GAB1: variants seen among roughly 807,000 people sequenced by gnomAD.
GAB1 encodes GRB2 associated binding protein 1, also known as GRB2-associated-binding protein 1.
In GAB1, 19 loss-of-function variants were observed where a neutral mutation model predicts 66.5. That is an observed-to-expected ratio of 0.29 (90% CI 0.20 to 0.42). The LOEUF (loss-of-function observed/expected upper bound fraction) is 0.42, where lower values mean the gene tolerates loss of function less well. Among genes scored for constraint, GAB1 ranks in the 10% least tolerant of loss-of-function variants. The pLI is 1.00. For missense variants in GAB1, 732 were observed against 858.5 expected (o/e 0.85, Z 1.84); for synonymous variants, 294 against 301.4 (o/e 0.98, Z 0.25).
chr4:143,439,838 C>T lies in GAB1; in HGVS notation c.1232C>T (p.Ala411Val), dbSNP rs369954602. Residue 411 changes from alanine to valine, a missense_variant, in exon 5 of 10, where the codon GCA becomes GTA. Coordinates refer to ENST00000262994, the MANE Select transcript of GAB1 (RefSeq NM_002039.4). ...CAAGACTGCTATGATATTCCACGAG[C>T]ATTTCCAAGTGATAGATCTAGTTCA... Reference protein sequence around the residue: ...SSQDCYDIPRAFPSDRSSSLE... With the variant: ...SSQDCYDIPRVFPSDRSSSLE... The T allele has an allele frequency of 1.2e-6, 2 of 1,613,298 alleles. No individual in the cohort carries two copies. Among genetic ancestry groups the T allele is most frequent in the African/African-American group, 2.7e-5 (2 of 74,910 alleles).
At chr4:143,392,405 T>G (rs1355943769) in intron 1 of GAB1, among the ~76,000 whole-genome samples, 1 of 152,190 alleles carries the variant, frequency 6.6e-6, no homozygotes, top group Non-Finnish European at 1.5e-5. Context: ...AATTTCTACT[T>G]TCTGATAGCG....
At chr4:143,456,764 T>C (rs1413284930) in intron 6 of GAB1, among the ~76,000 whole-genome samples, 1 of 152,214 alleles carries the variant, frequency 6.6e-6, no homozygotes, top group Non-Finnish European at 1.5e-5. Flanking sequence ...CTAATAGATG[T>C]AAACTCAACT....
rs1243161400 is a variant in GAB1 at position 143,471,198 on chromosome 4, TAATG to T, written c.*2014_*2017del. 2 of 152,328 alleles carry T rather than the reference TAATG, an allele frequency of 1.3e-5. No homozygotes were observed. Among genetic ancestry groups the T allele is most frequent in the Admixed American group, 6.5e-5 (1 of 15,290 alleles). The allele number at this position is 152,328 out of a possible 1,614,324, so 9.4% of individuals were successfully genotyped here. On this transcript the variant is annotated 3_prime_UTR_variant, in exon 10 of 10. Coordinates refer to ENST00000262994, the MANE Select transcript of GAB1 (RefSeq NM_002039.4). ...CTGCCTATCAAGGGTCTAAAGCACT[TAATG>T]AATGTTTTTAGTCTAACTTATCATT...
Position 143,473,029 on chromosome 4 carries a change from A to G in GAB1, c.*3840A>G, listed in dbSNP as rs933004845. On this transcript the variant is annotated 3_prime_UTR_variant, in exon 10 of 10. Transcript: ENST00000262994. The stretch of plus-strand genomic sequence containing the variant: ...CATTACTACAGTTAAAAATAGTTTC[A>G]TTTGTCTTCTATAGACTTAATTTTA... The G allele has an allele frequency of 6.6e-6, 1 of 152,178 alleles. No homozygotes were observed. The highest frequency in any genetic ancestry group is 1.5e-5 in the Non-Finnish European group (1 of 68,020). 9.4% of individuals were successfully genotyped at this position (152,178 alleles called of 1,614,324 possible). A position where few individuals can be genotyped will look rare whatever the true frequency, so the allele number is the denominator to read the frequency against.
chr4:143,373,872 T>TAA lies in GAB1; in HGVS notation c.72+36613_72+36614insAA, dbSNP rs1420451021. The stretch of plus-strand genomic sequence containing the variant: ...CTCTCTCTCTGTAAATAAATAAATA[T>TAA]ATATATATATATATTTTTACCTTTC... On this transcript the variant is annotated intron_variant, in intron 1 of 9. Coordinates refer to ENST00000262994, the MANE Select transcript of GAB1 (RefSeq NM_002039.4). 2.9e-3 allele frequency among the ~76,000 whole-genome samples: 322 copies of TAA among 111,088 alleles called. 13 individuals are homozygous for TAA. The highest frequency in any genetic ancestry group is 4.6e-3 in the Non-Finnish European group (261 of 56,478). 72.9% of individuals were successfully genotyped at this position (111,088 alleles called of 152,430 possible).
intron 2 of GAB1, among the ~76,000 whole-genome samples, chr4:143,427,498 G>C (rs957930002): frequency 1.3e-5 from 2 of 151,938 alleles, no homozygotes; most frequent in Non-Finnish European, 2.9e-5. Context: ...GTCTTTTATC[G>C]GTTTGCACAG....
At chr4:143,354,105 TACTC>T (rs1729345422) in intron 1 of GAB1, among the ~76,000 whole-genome samples, 1 of 152,222 alleles carries the variant, frequency 6.6e-6, no homozygotes, top group Non-Finnish European at 1.5e-5. Context: ...TTCTTCCATT[TACTC>T]AATCAAGGAA....
chr4:143,438,750 T>G (rs1352319067), intron 4 of GAB1, 150 bp downstream of exon 4: 1 of 779,798 alleles, frequency 1.3e-6, no homozygotes, highest in Non-Finnish European at 2.0e-6. Flanking sequence ...GAAGGGTATA[T>G]TGCATTCATG....
chr4:143,375,035 C>G (rs13106107), intron 1 of GAB1, among the ~76,000 whole-genome samples: 1 of 152,208 alleles, frequency 6.6e-6, no homozygotes. Flanking sequence ...GCAACCTCCG[C>G]CCCCTGGGCT....
At chr4:143,384,547 A>G (rs1317817547) in intron 1 of GAB1, among the ~76,000 whole-genome samples, 1 of 152,218 alleles carries the variant, frequency 6.6e-6, no homozygotes, top group Non-Finnish European at 1.5e-5. Flanking sequence ...ATGGAGCCAG[A>G]TGGTCCTCAT....
chr4:143,460,173 T>C (rs569695162), intron 7 of GAB1, among the ~76,000 whole-genome samples, 191 bp from the exon 8 acceptor site: 1 of 152,320 alleles, frequency 6.6e-6, no homozygotes, highest in South Asian at 2.1e-4. Context: ...TACACTTTTA[T>C]AATACAATTA....
intron 1 of GAB1, among the ~76,000 whole-genome samples, chr4:143,386,936 T>G (rs2149682167): frequency 6.6e-6 from 1 of 152,264 alleles, no homozygotes; most frequent in South Asian, 2.1e-4. Context: ...CAGAAGATTT[T>G]TTTGTTGATG....
At chr4:143,447,334 A>G (rs1734615290) in intron 6 of GAB1, among the ~76,000 whole-genome samples, 1 of 152,310 alleles carries the variant, frequency 6.6e-6, no homozygotes, top group Middle Eastern at 3.4e-3. Context: ...CTGTGAAGAA[A>G]GTCATTGGTA....
chr4:143,388,511 T>C (rs1731024472), intron 1 of GAB1, among the ~76,000 whole-genome samples: 1 of 152,026 alleles, frequency 6.6e-6, no homozygotes, highest in Non-Finnish European at 1.5e-5. Context: ...ACCTCCCAGG[T>C]TCAAGGAATT....
At chr4:143,452,927 C>T (rs529729195) in intron 6 of GAB1, among the ~76,000 whole-genome samples, 1 of 152,102 alleles carries the variant, frequency 6.6e-6, no homozygotes, top group Non-Finnish European at 1.5e-5. Context: ...CTTTAGTATT[C>T]TTATGTCTTA....
intron 1 of GAB1, among the ~76,000 whole-genome samples, chr4:143,344,082 T>C (rs1264545835): frequency 6.6e-6 from 1 of 152,202 alleles, no homozygotes; most frequent in Non-Finnish European, 1.5e-5. Flanking sequence ...AGCTAAGTAA[T>C]TCATTCTGGC....
chr4:143,424,826 G>C (rs929425620), intron 2 of GAB1: 1 of 356,382 alleles, frequency 2.8e-6, no homozygotes, highest in African/African-American at 2.1e-5. Flanking sequence ...GTGGTGGCGT[G>C]TGCCTGTAGT....
Position 143,438,235 on chromosome 4 carries a change from G to A in GAB1, c.830G>A (p.Ser277Asn), listed in dbSNP as rs376325541. ...GTTTTACCAAAGGTGTCTCCATCAA[G>A]TACTGAAGCAGATGGAGAACTCTAT... ...HDVLPKVSPS[S>N]TEADGELYVF... is the part of the protein sequence containing the mutation. Residue 277 changes from serine (S) to asparagine (N), a missense_variant, in exon 4 of 10, where the codon AGT becomes AAT. Ser to Asn is a conservative substitution (Grantham distance 46). Transcript: ENST00000262994. The A allele has an allele frequency of 3.7e-6, 6 of 1,613,962 alleles. No individual in the cohort carries two copies. The African/African-American group carries it at 6.7e-5, about 18-fold the overall frequency.
intron 1 of GAB1, among the ~76,000 whole-genome samples, chr4:143,376,270 C>G (rs1008584989): frequency 6.6e-6 from 1 of 152,170 alleles, no homozygotes; most frequent in Non-Finnish European, 1.5e-5. Flanking sequence ...GCTTACAGAT[C>G]ATGAACATGT....
Sources: allele counts gnomAD v4.1 joint callset (sites outside exome capture counted in the v4.1 genomes callset), GRCh38; gene constraint gnomAD v4.1.1; transcripts MANE v1.5; gene names NCBI Gene and HGNC (gene_info 2026-07-23, HGNC 2026-07-21).